ADCY9: variants seen among roughly 807,000 people sequenced by gnomAD.
ADCY9 encodes the protein adenylate cyclase 9, also known as adenylate cyclase type 9.
Under a neutral mutation model 101.5 loss-of-function variants are expected in ADCY9, and 50 were observed. That is an observed-to-expected ratio of 0.49 (90% CI 0.39 to 0.62). The LOEUF is 0.62. Among genes scored for constraint, ADCY9 ranks in the 20% least tolerant of loss-of-function variants. The pLI, the probability that ADCY9 is intolerant of heterozygous loss-of-function variation, is 0.00. For synonymous variants in ADCY9, 905 were observed against 769.3 expected, an observed-to-expected ratio of 1.18 and a Z score of -2.92; for missense variants, 1,662 against 1,800.4, an observed-to-expected ratio of 0.92 and a Z score of 1.39.
chr16:4,102,462 G>A (rs1462062879), intron 2 of ADCY9, among the ~76,000 whole-genome samples: 1 of 152,192 alleles, frequency 6.6e-6, no homozygotes, highest in Non-Finnish European at 1.5e-5. Flanking sequence ...TTTCGCTCTT[G>A]TTGCCCAGGC....
intron 2 of ADCY9, among the ~76,000 whole-genome samples, chr16:4,084,991 C>G (rs2056928414): frequency 2.0e-5 from 3 of 152,274 alleles, no homozygotes; most frequent in East Asian, 1.9e-4. Flanking sequence ...GCCTGTCTCT[C>G]CATTTACCCA....
chr16:4,007,728 G>A (rs573461000), intron 2 of ADCY9, among the ~76,000 whole-genome samples, 170 bp from the exon 3 acceptor site: 5 of 151,914 alleles, frequency 3.3e-5, no homozygotes, highest in Non-Finnish European at 4.4e-5. Context: ...AGAGAGATGC[G>A]GCCTCAGGGA....
chr16:4,053,091 T>C (rs551321599), intron 2 of ADCY9, among the ~76,000 whole-genome samples: 6 of 152,350 alleles, frequency 3.9e-5, no homozygotes, highest in Admixed American at 2.6e-4. Context: ...ACGTAAACGA[T>C]AGTAAACATG....
intron 5 of ADCY9, among the ~76,000 whole-genome samples, chr16:3,954,761 A>C (rs1190076330): frequency 5.3e-5 from 8 of 152,148 alleles, no homozygotes; most frequent in Non-Finnish European, 1.2e-4. Flanking sequence ...CTCTTGGCAG[A>C]GCCATCCACA....
At chr16:4,095,737 G>C (rs187362556) in intron 2 of ADCY9, among the ~76,000 whole-genome samples, 1 of 151,970 alleles carries the variant, frequency 6.6e-6, no homozygotes, top group Non-Finnish European at 1.5e-5. Context: ...AGCACTTTAG[G>C]AGGCCAAGGC....
intron 2 of ADCY9, among the ~76,000 whole-genome samples, chr16:4,088,591 C>T (rs1254065504): frequency 6.6e-6 from 1 of 151,974 alleles, no homozygotes. Flanking sequence ...AACCAAGATT[C>T]TTAATCTCAA....
intron 10 of ADCY9, among the ~76,000 whole-genome samples, chr16:3,970,138 A>C (rs2056038056): frequency 6.6e-6 from 1 of 152,082 alleles, no homozygotes; most frequent in Non-Finnish European, 1.5e-5. Context: ...TGGTCACTAT[A>C]TACTTATATA....
At chr16:4,033,578 C>T (rs772929185) in intron 2 of ADCY9, among the ~76,000 whole-genome samples, 13 of 151,994 alleles carry the variant, frequency 8.6e-5, no homozygotes, top group Admixed American at 3.3e-4. Context: ...GGACTACAGA[C>T]GCTAATTTTT....
Position 3,983,401 on chromosome 16 carries a change from TG to T in ADCY9, c.2349del (p.Thr784ProfsTer16). 1.2e-6 allele frequency: 2 copies of T among 1,607,788 alleles called. No homozygotes were observed. Among genetic ancestry groups the T allele is most frequent in the Non-Finnish European group, 1.7e-6 (2 of 1,176,780 alleles). On this transcript the variant is annotated frameshift_variant, in exon 7 of 11. Coordinates refer to ENST00000294016, the MANE Select transcript of ADCY9 (RefSeq NM_001116.4). LOFTEE classifies it high-confidence loss of function. ...AACACATCCAGGAGGGAGCTGAAGG[TG>T]GGACTAGCAAACGTCTTCACGGGGG... ...KNSPVKTFAS[P>X]TFSSLLDVFL... is the part of the protein sequence containing the mutation.
rs113390263 is a variant in ADCY9, at chr16:3,955,853, T to A, written c.568-2337A>T. On this transcript the variant is annotated intron_variant, in intron 5 of 5. Coordinates refer to the ADCY9 transcript ENST00000576936. ...GGTGAGCCACCACACCTGGCCAAAATTTAGGTTTTTTTAAAGCTTAAAAAA... is the reference window on the plus strand; with the variant it reads ...GGTGAGCCACCACACCTGGCCAAAAATTAGGTTTTTTTAAAGCTTAAAAAA... Among the ~76,000 whole-genome samples, 477 of 142,518 alleles carry A rather than the reference T, an allele frequency of 3.3e-3. 4 individuals carry two copies. Among genetic ancestry groups the A allele is most frequent in the African/African-American group, 0.01 (379 of 36,994 alleles). 93.5% of individuals were successfully genotyped at this position (142,518 alleles called of 152,430 possible). A position where few individuals can be genotyped will look rare whatever the true frequency, so the allele number is the denominator to read the frequency against.
rs76557392 is a variant in ADCY9, at chr16:3,980,962, G to A, written c.2520-1687C>T. Among the ~76,000 whole-genome samples the A allele has an allele frequency of 3.3e-4, 51 of 152,316 alleles. 1 individual carries two copies. The East Asian group carries it at 9.5e-3, about 28-fold the overall frequency. ...CTCCTGGAGGCAACGGGCGGGGCCTGGGCCAGTCACTGAGGAGGCGCCTGG... is the reference window on the plus strand; with the variant it reads ...CTCCTGGAGGCAACGGGCGGGGCCTAGGCCAGTCACTGAGGAGGCGCCTGG... On this transcript the variant is annotated intron_variant, in intron 7 of 10. Coordinates refer to ENST00000294016, the MANE Select transcript of ADCY9 (RefSeq NM_001116.4).
chr16:4,003,470 C>T (rs1023180612), intron 3 of ADCY9, among the ~76,000 whole-genome samples: 13 of 152,138 alleles, frequency 8.5e-5, no homozygotes, highest in African/African-American at 2.9e-4. Flanking sequence ...GCTCATCTCC[C>T]AGCAATCCCG....
chr16:3,977,171 T>C (rs2056099054), intron 9 of ADCY9, among the ~76,000 whole-genome samples: 1 of 152,256 alleles, frequency 6.6e-6, no homozygotes, highest in Admixed American at 6.5e-5. Flanking sequence ...TCCTACTTTC[T>C]TAGATTCCAG....
At chr16:4,037,563 C>A (rs1428723760) in intron 2 of ADCY9, among the ~76,000 whole-genome samples, 1 of 152,124 alleles carries the variant, frequency 6.6e-6, no homozygotes, top group Non-Finnish European at 1.5e-5. Context: ...TTCTTTTCCT[C>A]TGGGTAGATA....
chr16:4,080,821 A>C (rs1411007022), intron 2 of ADCY9, among the ~76,000 whole-genome samples: 2 of 151,762 alleles, frequency 1.3e-5, no homozygotes, highest in African/African-American at 4.8e-5. Flanking sequence ...CTCTTCTTTA[A>C]ACTCCTAATT....
At chr16:4,007,043 C>G (rs2056371587) in intron 3 of ADCY9, among the ~76,000 whole-genome samples, 1 of 152,170 alleles carries the variant, frequency 6.6e-6, no homozygotes, top group Non-Finnish European at 1.5e-5. Flanking sequence ...CAAGGAAAGC[C>G]ACCTTTACTG....
chr16:4,081,318 C>T (rs2056900387), intron 2 of ADCY9, among the ~76,000 whole-genome samples: 1 of 152,250 alleles, frequency 6.6e-6, no homozygotes, highest in African/African-American at 2.4e-5. Context: ...TCTCCACCTC[C>T]TGCTGTCACC....
chr16:4,007,563 G>A lies in ADCY9; in HGVS notation c.1694-5C>T, dbSNP rs553011471. 12 of 1,603,284 alleles carry A rather than the reference G, an allele frequency of 7.5e-6. No homozygotes were observed. The African/African-American group carries it at 1.1e-4, about 14-fold the overall frequency. On this transcript the variant is annotated splice_polypyrimidine_tract_variant and splice_region_variant and intron_variant, in intron 2 of 10. Transcript: ENST00000294016. The stretch of plus-strand genomic sequence containing the variant: ...ATATCAGGTATGTCTTCAAACCTAT[G>A]ATGGATAAAAGTTACAGTCAGCACA...
chr16:3,983,805 G>A (rs1393332454), intron 6 of ADCY9: 1 of 229,608 alleles, frequency 4.4e-6, no homozygotes, highest in Non-Finnish European at 8.6e-6. Context: ...CGTGAGTGTG[G>A]TCCCAGCTAC....
Sources: gnomAD v4.1 joint callset for allele counts (sites outside exome capture counted in the v4.1 genomes callset) on GRCh38, gnomAD v4.1.1 for gene constraint, MANE v1.5 for transcripts, NCBI Gene and HGNC (gene_info 2026-07-23, HGNC 2026-07-21) for gene names.